Variants in FBXO25 observed in about 807,000 individuals in gnomAD.
FBXO25 encodes the protein F-box only protein 25.
In FBXO25, 45 loss-of-function variants were observed where a neutral mutation model predicts 51.9. The ratio of observed to expected loss-of-function variants is 0.87; its 90% CI spans 0.68 to 1.11. The LOEUF is 1.11. FBXO25 is among the 50% of genes most tolerant of loss of function. The probability of loss-of-function intolerance (pLI) is 0.00; values close to 1 mark genes in which losing one functional copy is unlikely to be tolerated. For synonymous variants in FBXO25, 199 were observed against 151.0 expected (o/e 1.32, Z -2.33); for missense variants, 507 against 428.5 (o/e 1.18, Z -1.62).
At chr8:452,385 G>C (rs1799151984) in intron 7 of FBXO25, among the ~76,000 whole-genome samples, 2 of 152,066 alleles carry the variant, frequency 1.3e-5, no homozygotes, top group African/African-American at 4.8e-5. Flanking sequence ...GCTTTGCACA[G>C]GCTGGCTCTT....
intron 5 of FBXO25, among the ~76,000 whole-genome samples, chr8:445,642 C>T (rs570794818): frequency 6.6e-6 from 1 of 152,338 alleles, no homozygotes; most frequent in Non-Finnish European, 1.5e-5. Flanking sequence ...CACCTGAGAT[C>T]AGGAGTTTGA....
intron 5 of FBXO25, among the ~76,000 whole-genome samples, chr8:438,303 C>G (rs964413793): frequency 6.6e-6 from 1 of 152,220 alleles, no homozygotes; most frequent in Non-Finnish European, 1.5e-5. Context: ...AAGTGATCCA[C>G]CTGCCTCGGC....
chr8:429,289 A>C (rs969649238), intron 2 of FBXO25, among the ~76,000 whole-genome samples: 6 of 152,088 alleles, frequency 3.9e-5, no homozygotes, highest in African/African-American at 1.4e-4. Context: ...CATTTACCTA[A>C]CAATTGGTGA....
Position 469,983 on chromosome 8 carries a change from C to G in FBXO25, c.*1179C>G, listed in dbSNP as rs1358204368. The G allele has an allele frequency of 1.3e-5, 2 of 152,176 alleles. No individual in the cohort carries two copies. Among genetic ancestry groups the G allele is most frequent in the South Asian group, 4.1e-4 (2 of 4,830 alleles). The allele number at this position is 152,176 out of a possible 1,614,324, so 9.4% of individuals were successfully genotyped here. Reference sequence around the variant, plus strand: ...AATTATAGTTTCTCCTGAGGCGATGCAAATACCTGGGGCCTCTGCGAATAT... The same window carrying G: ...AATTATAGTTTCTCCTGAGGCGATGGAAATACCTGGGGCCTCTGCGAATAT... On this transcript the variant is annotated 3_prime_UTR_variant, in exon 10 of 10. Coordinates refer to ENST00000350302, the MANE Select transcript of FBXO25 (RefSeq NM_183420.2).
At chr8:442,049 G>A (rs1240813255) in intron 5 of FBXO25, among the ~76,000 whole-genome samples, 1 of 152,076 alleles carries the variant, frequency 6.6e-6, no homozygotes, top group Non-Finnish European at 1.5e-5. Flanking sequence ...TGTTGAAAAG[G>A]GCTGTTTTTA....
intron 2 of FBXO25, among the ~76,000 whole-genome samples, chr8:422,106 A>G (rs1381448992): frequency 2.0e-5 from 3 of 152,206 alleles, no homozygotes; most frequent in African/African-American, 4.8e-5. Context: ...GCAAGGTGAA[A>G]TCTAACAGGT....
At position 471,858 on chromosome 8, in the gene FBXO25, A is replaced by G. The variant is rs7013349; in HGVS notation, c.*3054A>G. ...GTGTGCGTACTGTACAGGGCTGTAC[A>G]CAGCAAACTGTGTCTACTTTATGGA... On this transcript the variant is annotated 3_prime_UTR_variant, in exon 10 of 10. Transcript: ENST00000350302. The G allele has an allele frequency of 0.48, 72,280 of 152,094 alleles. 19,590 individuals carry two copies. Among genetic ancestry groups the G allele is most frequent in the African/African-American group, 0.76 (31,378 of 41,482 alleles). The allele number at this position is 152,094 out of a possible 1,614,324, so 9.4% of individuals were successfully genotyped here.
At chr8:456,891 G>T (rs566028760) in intron 7 of FBXO25, among the ~76,000 whole-genome samples, 183 of 152,310 alleles carry the variant, frequency 1.2e-3, no homozygotes, top group African/African-American at 4.2e-3. Context: ...GGAGAAGAAA[G>T]TGGGGTGTCA....
intron 2 of FBXO25, among the ~76,000 whole-genome samples, chr8:415,043 G>C (rs1238984950): frequency 6.6e-6 from 1 of 152,060 alleles, no homozygotes; most frequent in African/African-American, 2.4e-5. Flanking sequence ...ACCTAAAATT[G>C]ATTTTAAAAA....
chr8:467,877 C>G, intron 9 of FBXO25: 1 of 1,569,234 alleles, frequency 6.4e-7, no homozygotes, highest in Non-Finnish European at 8.7e-7. Context: ...TTCTCAGGAC[C>G]CTGAGCAGGG....
chr8:452,695 C>G (rs547536153), intron 7 of FBXO25, among the ~76,000 whole-genome samples: 247 of 152,268 alleles, frequency 1.6e-3, no homozygotes, highest in Non-Finnish European at 2.7e-3. Context: ...CCTTTCTTGT[C>G]TGGCTGGGAA....
intron 2 of FBXO25, among the ~76,000 whole-genome samples, chr8:429,754 C>T (rs1797704496): frequency 6.6e-6 from 1 of 152,178 alleles, no homozygotes; most frequent in Non-Finnish European, 1.5e-5. Flanking sequence ...GACATAGACT[C>T]CCCAAGGCCC....
At chr8:413,843 G>C (rs751428852) in intron 2 of FBXO25, among the ~76,000 whole-genome samples, 3 of 152,310 alleles carry the variant, frequency 2.0e-5, no homozygotes, top group African/African-American at 7.2e-5. Context: ...GGGATGCTGG[G>C]GGTTGTGGCC....
At chr8:447,215 C>G (rs897525776) in intron 5 of FBXO25, among the ~76,000 whole-genome samples, 3 of 152,132 alleles carry the variant, frequency 2.0e-5, no homozygotes, top group African/African-American at 7.2e-5. Flanking sequence ...TCCAGTTTTA[C>G]TCAGGGACAT....
chr8:464,142 G>C (rs1241734213), intron 9 of FBXO25, among the ~76,000 whole-genome samples: 6 of 152,276 alleles, frequency 3.9e-5, no homozygotes, highest in African/African-American at 1.2e-4. Flanking sequence ...GGTAGAGACA[G>C]GGTTTCACCG....
At chr8:430,696 A>G (rs1483324678) in intron 2 of FBXO25, among the ~76,000 whole-genome samples, 2 of 152,198 alleles carry the variant, frequency 1.3e-5, no homozygotes, top group Non-Finnish European at 2.9e-5. Flanking sequence ...TACTATTTAC[A>G]GGTGTTTTTT....
intron 2 of FBXO25, among the ~76,000 whole-genome samples, chr8:418,084 G>A (rs1275486517): frequency 2.0e-5 from 3 of 152,118 alleles, no homozygotes; most frequent in African/African-American, 7.2e-5. Context: ...CACTGCACAA[G>A]GGGAGGGTTT....
rs10503147 is a variant in FBXO25 at position 471,777 on chromosome 8, C to A, written c.*2973C>A. On this transcript the variant is annotated 3_prime_UTR_variant, in exon 10 of 10. Coordinates refer to ENST00000350302, the MANE Select transcript of FBXO25 (RefSeq NM_183420.2). ...ATGCAGTAGCCTCTCAGGAGCAGAC[C>A]GATTTGTAGCTGTCGTGGTTTACTG... 15 of 152,222 alleles carry A rather than the reference C, an allele frequency of 9.9e-5. No individual in the cohort carries two copies. Among genetic ancestry groups the A allele is most frequent in the South Asian group, 6.2e-4 (3 of 4,822 alleles). 9.4% of individuals were successfully genotyped at this position (152,222 alleles called of 1,614,324 possible). A position where few individuals can be genotyped will look rare whatever the true frequency, so the allele number is the denominator to read the frequency against.
At chr8:465,526 T>A (rs547165940) in intron 9 of FBXO25, among the ~76,000 whole-genome samples, 1 of 152,202 alleles carries the variant, frequency 6.6e-6, no homozygotes, top group African/African-American at 2.4e-5. Flanking sequence ...GCTGAGCAAC[T>A]AACAAAGAAA....
Sources: allele counts gnomAD v4.1 joint callset (sites outside exome capture counted in the v4.1 genomes callset), GRCh38; gene constraint gnomAD v4.1.1; transcripts MANE v1.5; gene names NCBI Gene and HGNC (gene_info 2026-07-23, HGNC 2026-07-21).